Variants in C8orf34 observed in about 807,000 individuals in gnomAD.
C8orf34 encodes chromosome 8 open reading frame 34, also known as uncharacterized protein C8orf34.
A neutral mutation model predicts 68.3 loss-of-function variants in C8orf34; 65 were observed. The ratio of observed to expected loss-of-function variants is 0.95; its 90% CI spans 0.78 to 1.17. The LOEUF is 1.17. Among genes scored for constraint, C8orf34 ranks in the 50% most tolerant of loss-of-function variants. The probability of loss-of-function intolerance (pLI) is 0.00; values close to 1 mark genes in which losing one functional copy is unlikely to be tolerated. For synonymous variants in C8orf34, 244 were observed against 241.2 expected, an observed-to-expected ratio of 1.01 and a Z score of -0.11; for missense variants, 664 against 655.4, an observed-to-expected ratio of 1.01 and a Z score of -0.14.
At chr8:68,590,876 C>A (rs1817368099) in intron 7 of C8orf34, among the ~76,000 whole-genome samples, 1 of 152,152 alleles carries the variant, frequency 6.6e-6, no homozygotes, top group South Asian at 2.1e-4. Context: ...TGAGACCACA[C>A]ATGGACTAGC....
intron 7 of C8orf34, among the ~76,000 whole-genome samples, chr8:68,610,185 A>G (rs1817976341): frequency 6.6e-6 from 1 of 152,184 alleles, no homozygotes. Context: ...ATTTTTTGCA[A>G]GAGTTTTTAG....
intron 5 of C8orf34, among the ~76,000 whole-genome samples, chr8:68,504,200 T>G (rs775177070): frequency 2.6e-5 from 4 of 152,234 alleles, no homozygotes; most frequent in Non-Finnish European, 4.4e-5. Context: ...TGACCTTTTG[T>G]GACTGTTTTC....
At chr8:68,344,508 ATTC>A (rs1372760326) in intron 1 of C8orf34, among the ~76,000 whole-genome samples, 2 of 152,198 alleles carry the variant, frequency 1.3e-5, no homozygotes, top group African/African-American at 4.8e-5. Context: ...CAGTTATGAT[ATTC>A]TTCTATAGTT....
intron 8 of C8orf34, among the ~76,000 whole-genome samples, chr8:68,661,210 G>T (rs994073980): frequency 5.3e-5 from 8 of 152,224 alleles, no homozygotes; most frequent in Admixed American, 1.3e-4. Context: ...GCAGACATGG[G>T]GAGCAGATGG....
intron 5 of C8orf34, among the ~76,000 whole-genome samples, chr8:68,503,970 TG>T (rs1387386135): frequency 6.6e-6 from 1 of 152,202 alleles, no homozygotes; most frequent in Non-Finnish European, 1.5e-5. Context: ...TTAAAGTATA[TG>T]GTTTAGTAGT....
intron 7 of C8orf34, among the ~76,000 whole-genome samples, chr8:68,596,973 A>G (rs935460049): frequency 1.6e-4 from 24 of 152,320 alleles, no homozygotes; most frequent in Middle Eastern, 3.4e-3. Context: ...TGGATCTTCC[A>G]TGTACATGCG....
intron 7 of C8orf34, among the ~76,000 whole-genome samples, chr8:68,606,393 T>C (rs1817854522): frequency 6.6e-6 from 1 of 152,094 alleles, no homozygotes; most frequent in South Asian, 2.1e-4. Flanking sequence ...CCTGACTGAA[T>C]ATTAAGAAAA....
chr8:68,562,332 A>G (rs1333265403), intron 7 of C8orf34, among the ~76,000 whole-genome samples: 2 of 152,162 alleles, frequency 1.3e-5, no homozygotes, highest in Non-Finnish European at 2.9e-5. Flanking sequence ...AATGAATCTG[A>G]TACTTGGGAA....
chr8:68,500,447 A>G (rs1190001151), intron 5 of C8orf34, among the ~76,000 whole-genome samples: 1 of 152,216 alleles, frequency 6.6e-6, no homozygotes, highest in East Asian at 1.9e-4. Flanking sequence ...GAACAACAGT[A>G]TTCTGATAAT....
At chr8:68,335,915 C>T (rs1563628579) in intron 1 of C8orf34, among the ~76,000 whole-genome samples, 2 of 151,932 alleles carry the variant, frequency 1.3e-5, no homozygotes, top group Admixed American at 1.3e-4. Context: ...AGTGAAACCA[C>T]ATCTCTACTA....
chr8:68,600,733 C>T (rs771885275), intron 7 of C8orf34, among the ~76,000 whole-genome samples: 3 of 152,064 alleles, frequency 2.0e-5, no homozygotes, highest in Non-Finnish European at 4.4e-5. Flanking sequence ...GTATTTATCA[C>T]CTTGAGCATT....
At chr8:68,617,328 A>T (rs1313693052) in intron 7 of C8orf34, among the ~76,000 whole-genome samples, 1 of 152,168 alleles carries the variant, frequency 6.6e-6, no homozygotes, top group Admixed American at 6.5e-5. Flanking sequence ...TCATGTCATT[A>T]TGATGTTAGC....
chr8:68,771,730 A>C (rs531641909), intron 10 of C8orf34, among the ~76,000 whole-genome samples: 1 of 152,240 alleles, frequency 6.6e-6, no homozygotes, highest in South Asian at 2.1e-4. Context: ...ACATGTATGC[A>C]GAGGCTACAA....
intron 10 of C8orf34, among the ~76,000 whole-genome samples, chr8:68,775,084 AAAG>A (rs1823475765): frequency 1.3e-5 from 2 of 151,256 alleles, no homozygotes; most frequent in Admixed American, 1.3e-4. Flanking sequence ...AAAAAAAAAA[AAAG>A]AAGAGTATCA....
At chr8:68,743,372 C>G (rs558505823) in intron 10 of C8orf34, among the ~76,000 whole-genome samples, 1 of 152,072 alleles carries the variant, frequency 6.6e-6, no homozygotes, top group Admixed American at 6.5e-5. Context: ...CCAAGATGGC[C>G]GAATAGGAAC....
chr8:68,642,417 T>C (rs1168956779), intron 8 of C8orf34, among the ~76,000 whole-genome samples: 3 of 152,168 alleles, frequency 2.0e-5, no homozygotes, highest in Non-Finnish European at 4.4e-5. Flanking sequence ...AAAAAACAAG[T>C]ATCAGTTGTC....
At chr8:68,804,369 A>G (rs1824421520) in intron 12 of C8orf34, among the ~76,000 whole-genome samples, 1 of 152,218 alleles carries the variant, frequency 6.6e-6, no homozygotes. Context: ...ACATGCTTTT[A>G]TAAATCAAAT....
intron 7 of C8orf34, among the ~76,000 whole-genome samples, chr8:68,613,774 G>C (rs947382668): frequency 1.3e-5 from 2 of 151,388 alleles, no homozygotes; most frequent in African/African-American, 2.4e-5. Context: ...CTTTATAGCA[G>C]CATGATTTAT....
chr8:68,625,761 G>T (rs184187534), intron 7 of C8orf34: 9 of 480,130 alleles, frequency 1.9e-5, no homozygotes, highest in East Asian at 3.4e-5. Flanking sequence ...GCCAGCAAGG[G>T]TCTTCTTTTG....
Sources: allele counts gnomAD v4.1 joint callset (sites outside exome capture counted in the v4.1 genomes callset), GRCh38; gene constraint gnomAD v4.1.1; transcripts MANE v1.5; gene names NCBI Gene and HGNC (gene_info 2026-07-23, HGNC 2026-07-21).